The following KCNA6 variants were observed in gnomAD, a reference collection of about 807,000 sequenced individuals.
KCNA6 encodes the protein human brain potassium channel-2.
KCNA6 carries 17 observed loss-of-function variants against 29.5 expected under a neutral mutation model. The ratio of observed to expected loss-of-function variants is 0.58; its 90% CI spans 0.39 to 0.86. The LOEUF is 0.86. KCNA6 is among the 40% of genes least tolerant of loss of function. The pLI is 0.00. For missense variants in KCNA6, 450 were observed against 703.4 expected (o/e 0.64, Z 4.07); for synonymous variants, 296 against 304.7 (o/e 0.97, Z 0.30).
chr12:4,827,845 C>CT, the KCNA6 span, among the ~76,000 whole-genome samples: 1 of 152,240 alleles, frequency 6.6e-6, no homozygotes, highest in Non-Finnish European at 1.5e-5. Context: ...CCTTCCTACT[C>CT]TTAGTGCAGC....
At chr12:4,813,250 T>C (rs1027033688) in exon 1 of KCNA6, 1 of 167,052 alleles carries the variant, frequency 6.0e-6, no homozygotes, top group Non-Finnish European at 1.5e-5. Flanking sequence ...GCCATAACTT[T>C]ACAGGGTAAC....
the KCNA6 span, among the ~76,000 whole-genome samples, chr12:4,820,356 TTGCAGAGGG>T: frequency 1.3e-5 from 2 of 150,370 alleles, no homozygotes; most frequent in Admixed American, 1.3e-4. Flanking sequence ...CCCTGGAGCA[TTGCAGAGGG>T]TCACAGATGG....
chr12:4,828,804 G>A, the KCNA6 span, among the ~76,000 whole-genome samples: 1 of 152,190 alleles, frequency 6.6e-6, no homozygotes, highest in Non-Finnish European at 1.5e-5. Flanking sequence ...CTAAACTAGT[G>A]TTGCCCCTGT....
the KCNA6 span, among the ~76,000 whole-genome samples, chr12:4,832,357 C>T: frequency 5.9e-5 from 9 of 152,050 alleles, no homozygotes; most frequent in African/African-American, 1.7e-4. Flanking sequence ...CCCACCCCAG[C>T]GGCAGTGCGC....
At chr12:4,829,794 A>G in the KCNA6 span, among the ~76,000 whole-genome samples, 4 of 152,254 alleles carry the variant, frequency 2.6e-5, no homozygotes, top group African/African-American at 9.6e-5. Flanking sequence ...GCACCTATAC[A>G]TTTAATTGCA....
chr12:4,825,513 A>T, the KCNA6 span, among the ~76,000 whole-genome samples: 3 of 152,152 alleles, frequency 2.0e-5, no homozygotes, highest in Admixed American at 2.0e-4. Flanking sequence ...ATTTTGGAAA[A>T]CTCGAAGAGA....
chr12:4,810,665 T>C lies in KCNA6; in HGVS notation c.624T>C (p.Asn208=). 2 of 1,601,270 alleles carry C rather than the reference T, an allele frequency of 1.2e-6. No homozygotes were observed. Among genetic ancestry groups the C allele is most frequent in the Non-Finnish European group, 1.7e-6 (2 of 1,174,334 alleles). Residue 208 remains asparagine, a synonymous_variant, in exon 1 of 1, where the codon AAT becomes AAC. Coordinates refer to ENST00000280684, the Ensembl canonical transcript of KCNA6. The surrounding 1 kb of genome is among the most constrained non-coding windows in gnomAD (Gnocchi z 7.5). ...GTGTAGATGGTCGAGGTGGAAACAA[T>C]GGTGGTGTGAGTCGAGTCTCCCCAG...
chr12:4,836,597 C>G, the KCNA6 span, among the ~76,000 whole-genome samples: 2 of 152,074 alleles, frequency 1.3e-5, no homozygotes, highest in Non-Finnish European at 2.9e-5. Flanking sequence ...AGAAAGGGTG[C>G]AGGAAAGGCT....
downstream of KCNA6, chr12:4,814,690 A>G (rs1228447934): frequency 6.0e-6 from 1 of 167,162 alleles, no homozygotes; most frequent in Non-Finnish European, 1.5e-5. The surrounding 1 kb of genome is among the most constrained non-coding windows in gnomAD (Gnocchi z 4.6). Context: ...AAGAGCTCCC[A>G]GAGGACTTCC....
chr12:4,842,667 T>A, the KCNA6 span: 1 of 151,992 alleles, frequency 6.6e-6, no homozygotes, highest in Non-Finnish European at 1.5e-5. Context: ...AACAATCAGA[T>A]CTCATGAGAA....
the KCNA6 span, among the ~76,000 whole-genome samples, chr12:4,850,314 C>T: frequency 6.6e-6 from 1 of 152,062 alleles, no homozygotes; most frequent in Non-Finnish European, 1.5e-5. The surrounding 1 kb of genome is among the most constrained non-coding windows in gnomAD (Gnocchi z 5.4). Flanking sequence ...GACCCCTCGA[C>T]CATGTGGATG....
At position 4,811,736 on chromosome 12, in the gene KCNA6, T is replaced by G. The variant is rs1220793364; in HGVS notation, c.*105T>G. 3.0e-6 allele frequency: 4 copies of G among 1,347,172 alleles called. No homozygotes were observed. In the African/African-American group the frequency reaches 5.8e-5, roughly 20 times the overall value. 83.5% of individuals were successfully genotyped at this position (1,347,172 alleles called of 1,614,324 possible). ...CTAGCTTCAGTTGACTTCTTGACTC[T>G]CTCCCCTACACCCACTACCTGGCAT... On this transcript the variant is annotated 3_prime_UTR_variant, in exon 1 of 1. Transcript: ENST00000280684. This position sits in a 1 kb window ranked among gnomAD's most constrained non-coding sequence, Gnocchi z 7.1.
exon 1 of KCNA6, chr12:4,809,677 C>T (rs935735802): frequency 1.4e-5 from 3 of 211,848 alleles, no homozygotes; most frequent in African/African-American, 6.9e-5. Flanking sequence ...GAGGGCGGAC[C>T]TCTGCGTCCG....
At chr12:4,842,090 A>T in the KCNA6 span, among the ~76,000 whole-genome samples, 2 of 148,374 alleles carry the variant, frequency 1.3e-5, no homozygotes, top group Admixed American at 1.4e-4. Context: ...GAGTGGAAGG[A>T]GATGTTAATC....
downstream of KCNA6, among the ~76,000 whole-genome samples, chr12:4,816,273 T>C (rs1265067434): frequency 1.3e-5 from 2 of 151,598 alleles, no homozygotes; most frequent in Non-Finnish European, 1.5e-5. Flanking sequence ...TGTGTGTGTG[T>C]GTGTGTGTGT....
chr12:4,822,785 C>A, the KCNA6 span, among the ~76,000 whole-genome samples: 1 of 152,206 alleles, frequency 6.6e-6, no homozygotes, highest in Admixed American at 6.5e-5. Flanking sequence ...CTGATAATGA[C>A]TGGCCACCCA....
the KCNA6 span, among the ~76,000 whole-genome samples, chr12:4,827,860 C>T: frequency 1.2e-4 from 18 of 152,356 alleles, no homozygotes; most frequent in Non-Finnish European, 2.4e-4. Flanking sequence ...TGCAGCCTCA[C>T]GAAGCCTCAC....
chr12:4,830,943 G>A, the KCNA6 span, among the ~76,000 whole-genome samples: 3 of 152,196 alleles, frequency 2.0e-5, no homozygotes, highest in Non-Finnish European at 2.9e-5. Flanking sequence ...GCAGGATATC[G>A]TTCACTTTCC....
At chr12:4,830,587 G>A in the KCNA6 span, among the ~76,000 whole-genome samples, 9 of 152,196 alleles carry the variant, frequency 5.9e-5, no homozygotes, top group African/African-American at 2.2e-4. Context: ...CCTCCACCCC[G>A]CAACCCGCTG....
Sources: allele counts gnomAD v4.1 joint callset (sites outside exome capture counted in the v4.1 genomes callset), GRCh38; gene constraint gnomAD v4.1.1; non-coding constraint Gnocchi (gnomAD v3.1); transcripts MANE v1.5; gene names NCBI Gene and HGNC (gene_info 2026-07-23, HGNC 2026-07-21).